DLGAP1: variants seen among roughly 807,000 people sequenced by gnomAD.
DLGAP1 encodes DLG associated protein 1.
A neutral mutation model predicts 90.8 loss-of-function variants in DLGAP1; 11 were observed. The ratio of observed to expected loss-of-function variants is 0.12; its 90% CI spans 0.08 to 0.20. The LOEUF (loss-of-function observed/expected upper bound fraction) is 0.20, where lower values mean the gene tolerates loss of function less well. DLGAP1 is among the 10% of genes least tolerant of loss of function. The pLI, the probability that DLGAP1 is intolerant of heterozygous loss-of-function variation, is 1.00. For missense variants in DLGAP1, 1,050 were observed against 1,333.8 expected (o/e 0.79, Z 3.31); for synonymous variants, 558 against 540.7 (o/e 1.03, Z -0.44).
In DLGAP1 at chr18:3,729,417, G is replaced by A. The variant is rs1484344467; in HGVS notation, c.1351-42C>T. 2 of 1,586,034 alleles carry A rather than the reference G, an allele frequency of 1.3e-6. No homozygotes were observed. ...GCGTTGTGACACTCGCCTCCACCTG[G>A]TGGAGGATCAACCTCTCCAAGCATC... is the stretch of plus-strand genomic sequence containing the variant. On this transcript the variant is annotated intron_variant, in intron 6 of 12. Transcript: ENST00000315677. The surrounding 1 kb of genome is among the most constrained non-coding windows in gnomAD (Gnocchi z 6.2).
At chr18:4,231,579 C>A (rs2078299185) in intron 1 of DLGAP1, among the ~76,000 whole-genome samples, 1 of 152,144 alleles carries the variant, frequency 6.6e-6, no homozygotes, top group African/African-American at 2.4e-5. Flanking sequence ...AGAGCTCTAG[C>A]CCTCCCTGGG....
chr18:3,886,246 C>G (rs2071309911), intron 3 of DLGAP1, among the ~76,000 whole-genome samples: 1 of 152,138 alleles, frequency 6.6e-6, no homozygotes, highest in Non-Finnish European at 1.5e-5. Context: ...CTCCATGAAT[C>G]TTTTCAGGGT....
chr18:4,233,335 A>G (rs925243462), intron 1 of DLGAP1, among the ~76,000 whole-genome samples: 4 of 152,134 alleles, frequency 2.6e-5, no homozygotes, highest in African/African-American at 9.7e-5. Flanking sequence ...CTTGTCTTTC[A>G]TGACCTTAAA....
Position 4,337,600 on chromosome 18 carries a change from T to C in DLGAP1, c.-267+117406A>G, listed in dbSNP as rs140932528. Among the ~76,000 whole-genome samples the C allele has an allele frequency of 2.5e-3, 384 of 152,262 alleles. 1 individual carries two copies. Among genetic ancestry groups the C allele is most frequent in the African/African-American group, 8.6e-3 (358 of 41,548 alleles). The stretch of plus-strand genomic sequence containing the variant: ...GAAATATTTTAGCTCTAGTATTCTA[T>C]AAAAATCACACAAATCTCCTCAAGA... On this transcript the variant is annotated intron_variant, in intron 1 of 12. Transcript: ENST00000315677.
intron 3 of DLGAP1, among the ~76,000 whole-genome samples, chr18:3,884,313 A>T (rs1166955959): frequency 1.3e-5 from 2 of 152,216 alleles, no homozygotes; most frequent in African/African-American, 4.8e-5. Flanking sequence ...CAAAAACAAG[A>T]TTCTATTAGG....
chr18:3,504,424 G>A (rs558368265), intron 11 of DLGAP1, among the ~76,000 whole-genome samples: 47 of 151,996 alleles, frequency 3.1e-4, no homozygotes, highest in Admixed American at 1.2e-3. Flanking sequence ...CGCTCTTGTC[G>A]CCCACGCTGG....
intron 1 of DLGAP1, among the ~76,000 whole-genome samples, chr18:4,415,380 TGTG>T (rs1273103564): frequency 6.6e-6 from 1 of 152,120 alleles, no homozygotes; most frequent in East Asian, 1.9e-4. Flanking sequence ...ACAAAAATAT[TGTG>T]GTGTTTGTAA....
intron 10 of DLGAP1, among the ~76,000 whole-genome samples, chr18:3,512,750 C>A (rs1440398251): frequency 6.6e-6 from 1 of 152,166 alleles, no homozygotes; most frequent in Non-Finnish European, 1.5e-5. Flanking sequence ...GTGGCCAATC[C>A]CCGTCTTCTG....
intron 7 of DLGAP1, among the ~76,000 whole-genome samples, chr18:3,657,633 T>C (rs1025529659): frequency 4.6e-4 from 69 of 150,460 alleles, no homozygotes; most frequent in Non-Finnish European, 5.3e-4. Flanking sequence ...GACGGAGTCT[T>C]GCTCTGTTGC....
At chr18:4,395,341 T>G (rs886673485) in intron 1 of DLGAP1, among the ~76,000 whole-genome samples, 4 of 151,964 alleles carry the variant, frequency 2.6e-5, no homozygotes, top group African/African-American at 9.7e-5. Context: ...CGCTTTTCTC[T>G]GGGTCAAAAA....
intron 7 of DLGAP1, among the ~76,000 whole-genome samples, chr18:3,666,036 C>G (rs2059868961): frequency 1.3e-5 from 2 of 152,106 alleles, no homozygotes; most frequent in South Asian, 4.1e-4. Context: ...GCTCCAACCG[C>G]AGAGGCAGCT....
chr18:4,290,511 G>A (rs2079819546), intron 1 of DLGAP1, among the ~76,000 whole-genome samples: 1 of 152,234 alleles, frequency 6.6e-6, no homozygotes, highest in Admixed American at 6.5e-5. Context: ...GCAGGCAACT[G>A]CTCTTAAGTG....
chr18:4,319,097 A>T (rs1376565308), intron 1 of DLGAP1, among the ~76,000 whole-genome samples: 2 of 152,242 alleles, frequency 1.3e-5, no homozygotes, highest in African/African-American at 4.8e-5. Flanking sequence ...TCAAAGCATC[A>T]TGTTTCACAC....
intron 7 of DLGAP1, among the ~76,000 whole-genome samples, chr18:3,697,998 G>A (rs2061151656): frequency 6.6e-6 from 1 of 152,082 alleles, no homozygotes; most frequent in African/African-American, 2.4e-5. Flanking sequence ...CAGAGACTAG[G>A]ATTGCAACTC....
chr18:3,583,196 T>C (rs1199034379), intron 7 of DLGAP1, among the ~76,000 whole-genome samples: 17 of 144,788 alleles, frequency 1.2e-4, no homozygotes, highest in African/African-American at 4.3e-4. Context: ...CTTCCTTCCT[T>C]CCTTCCTTCC....
intron 8 of DLGAP1, 73 bp downstream of exon 8, chr18:3,581,801 TC>T (rs1470444832): frequency 3.8e-6 from 6 of 1,560,936 alleles, no homozygotes; most frequent in Non-Finnish European, 5.2e-6. Context: ...AAGCAAATCT[TC>T]CGGGGAAACA....
chr18:3,893,118 T>C (rs2071520322), intron 3 of DLGAP1, among the ~76,000 whole-genome samples: 1 of 152,012 alleles, frequency 6.6e-6, no homozygotes, highest in East Asian at 1.9e-4. Context: ...CGTGTACACA[T>C]TATTTATCTC....
At chr18:3,754,296 T>C (rs1005358234) in intron 5 of DLGAP1, among the ~76,000 whole-genome samples, 1 of 152,288 alleles carries the variant, frequency 6.6e-6, no homozygotes, top group South Asian at 2.1e-4. Context: ...GCCACCGTAC[T>C]CAGCCTCCTA....
chr18:4,101,006 C>T (rs2075770863), intron 2 of DLGAP1, among the ~76,000 whole-genome samples: 1 of 152,174 alleles, frequency 6.6e-6, no homozygotes, highest in Non-Finnish European at 1.5e-5. Context: ...TCAGTAACGC[C>T]ATTGCACTTT....
Sources: gnomAD v4.1 joint callset for allele counts (sites outside exome capture counted in the v4.1 genomes callset) on GRCh38, gnomAD v4.1.1 for gene constraint, Gnocchi (gnomAD v3.1) non-coding constraint, MANE v1.5 for transcripts, NCBI Gene and HGNC (gene_info 2026-07-23, HGNC 2026-07-21) for gene names.